DMD: variants seen among roughly 807,000 people sequenced by gnomAD.
DMD encodes the protein mutant dystrophin.
Under a neutral mutation model 330.1 loss-of-function variants are expected in DMD, and 63 were observed. The observed-to-expected ratio is 0.19, with a 90% CI of 0.16 to 0.24. The LOEUF is 0.24. DMD is among the 10% of genes least tolerant of loss of function. The pLI is 1.00. For synonymous variants in DMD, 1,223 were observed against 959.8 expected (o/e 1.27, Z -5.07); for missense variants, 3,344 against 2,684.1 (o/e 1.25, Z -5.43).
At chrX:32,783,930 A>G (rs767575848) in intron 7 of DMD, among the ~76,000 whole-genome samples, 31 of 107,325 alleles carry the variant, frequency 2.9e-4, no homozygotes, top group Non-Finnish European at 4.8e-4. Context: ...CTTAAAAGAT[A>G]GATTTATTAT....
chrX:32,408,360 C>T (rs2098127635), intron 30 of DMD, among the ~76,000 whole-genome samples: 1 of 111,755 alleles, frequency 8.9e-6, no homozygotes, highest in Admixed American at 9.5e-5. Flanking sequence ...CAGCTCTTTT[C>T]TTTCCTATAG....
chrX:32,749,250 C>G (rs771215255), intron 7 of DMD, among the ~76,000 whole-genome samples: 1 of 112,229 alleles, frequency 8.9e-6, no homozygotes, highest in Non-Finnish European at 1.9e-5. Context: ...GTCACTGACA[C>G]TTGTGAAATT....
intron 13 of DMD, among the ~76,000 whole-genome samples, chrX:32,582,644 C>T (rs808563): frequency 0.22 from 24,390 of 110,294 alleles, 2,242 homozygotes; most frequent in East Asian, 0.61. Flanking sequence ...ATATGGAGAT[C>T]GAAATGGCCA....
At chrX:32,483,546 G>C (rs2042125175) in intron 21 of DMD, among the ~76,000 whole-genome samples, 1 of 109,283 alleles carries the variant, frequency 9.2e-6, no homozygotes, top group Non-Finnish European at 1.9e-5. Context: ...TAAATTTCCA[G>C]TGAAATGGCT....
chrX:32,342,736 C>G, intron 40 of DMD: 1 of 283,054 alleles, frequency 3.5e-6, no homozygotes. Context: ...CATATTTAGA[C>G]AATATGCAAA....
chrX:32,992,797 T>G (rs927360391), intron 2 of DMD, among the ~76,000 whole-genome samples: 1 of 106,663 alleles, frequency 9.4e-6, no homozygotes, highest in African/African-American at 3.4e-5. Flanking sequence ...TCCCAACTAC[T>G]TGGGAGGCTG....
intron 2 of DMD, among the ~76,000 whole-genome samples, chrX:33,006,978 C>A (rs1351105584): frequency 1.8e-5 from 2 of 110,493 alleles, no homozygotes; most frequent in Non-Finnish European, 3.8e-5. Context: ...CATCTACTTT[C>A]AAAATGTATC....
intron 1 of DMD, among the ~76,000 whole-genome samples, chrX:33,040,333 G>A (rs1204169352): frequency 9.0e-6 from 1 of 110,694 alleles, no homozygotes; most frequent in African/African-American, 3.3e-5. Context: ...CATGGGACCC[G>A]CCTGTTCAGA....
At chrX:31,519,567 C>T (rs1465083014) in intron 55 of DMD, among the ~76,000 whole-genome samples, 1 of 111,444 alleles carries the variant, frequency 9.0e-6, no homozygotes, top group Non-Finnish European at 1.9e-5. Flanking sequence ...CACGCAACCA[C>T]AAAACAACCC....
At chrX:32,264,774 G>A (rs992069352) in intron 43 of DMD, among the ~76,000 whole-genome samples, 3 of 111,752 alleles carry the variant, frequency 2.7e-5, no homozygotes, top group African/African-American at 9.8e-5. Flanking sequence ...AGAGATCTGT[G>A]GAATTTTGAA....
At chrX:32,809,880 A>C (rs1218828362) in intron 6 of DMD, among the ~76,000 whole-genome samples, 1 of 99,993 alleles carries the variant, frequency 1.0e-5, no homozygotes, top group East Asian at 3.2e-4. Context: ...CCAGAAGTTC[A>C]AGACCAGCCT....
chrX:31,241,175 T>TC (rs1187326948), intron 63 of DMD, among the ~76,000 whole-genome samples: 2 of 111,687 alleles, frequency 1.8e-5, no homozygotes, highest in African/African-American at 6.5e-5. Context: ...TTTCTTCGGT[T>TC]CCCCTTTTCA....
Position 31,496,802 on chromosome X carries a change from T to C in DMD, c.8533A>G (p.Asn2845Asp). 1 of 1,212,260 alleles carries C rather than the reference T, an allele frequency of 8.2e-7. No individual in the cohort carries two copies. Among genetic ancestry groups the C allele is most frequent in the Non-Finnish European group, 1.1e-6 (1 of 895,639 alleles). ...AAATGTCCTACCCTATGTACATCGTTCTGCTTCTGAACTGCTGGAAAGTCG... is the reference window on the plus strand; with the variant it reads ...AAATGTCCTACCCTATGTACATCGTCCTGCTTCTGAACTGCTGGAAAGTCG... ...GGDFPAVQKQ[N>D]DVHRAFKREL... Residue 2845 changes from asparagine (N) to aspartate (D), a missense_variant, in exon 57 of 79, where the codon AAC (asparagine) becomes GAC (aspartate). Physicochemically the swap from Asn to Asp is conservative, Grantham distance 23. Coordinates refer to ENST00000357033, the MANE Select transcript of DMD (RefSeq NM_004006.3).
chrX:32,605,777 A>T (rs1437125688), intron 12 of DMD, among the ~76,000 whole-genome samples: 2 of 104,318 alleles, frequency 1.9e-5, no homozygotes, highest in Non-Finnish European at 4.1e-5. Flanking sequence ...CAAGTGGCCA[A>T]CAAACATATG....
intron 1 of DMD, among the ~76,000 whole-genome samples, chrX:33,292,631 C>A (rs2053529182): frequency 9.1e-6 from 1 of 109,317 alleles, no homozygotes; most frequent in African/African-American, 3.3e-5. Context: ...AGACAGTGGA[C>A]CACATTGTAT....
chrX:32,821,058 G>C (rs1037348474), intron 5 of DMD, among the ~76,000 whole-genome samples: 9 of 110,866 alleles, frequency 8.1e-5, no homozygotes, highest in African/African-American at 2.6e-4. Flanking sequence ...CGGCCAACTT[G>C]GGCTCACTTA....
chrX:32,438,212 T>C lies in DMD; in HGVS notation c.4071+29A>G, dbSNP rs376609047. On this transcript the variant is annotated intron_variant, in intron 29 of 78. Coordinates refer to ENST00000357033, the MANE Select transcript of DMD (RefSeq NM_004006.3). Reference sequence around the variant, plus strand: ...CTGCTATACATTAATGCAAATTAGATTAAAGAGATTTTTCACTTATCTTCA... The same window carrying C: ...CTGCTATACATTAATGCAAATTAGACTAAAGAGATTTTTCACTTATCTTCA... 4.4e-4 allele frequency: 533 copies of C among 1,202,540 alleles called. 4 individuals are homozygous for C. In the South Asian group the frequency reaches 8.9e-3, roughly 20 times the overall value.
intron 2 of DMD, among the ~76,000 whole-genome samples, chrX:33,010,234 A>ACATGTGTATATG (rs1569549291): frequency 4.1e-5 from 4 of 96,781 alleles, no homozygotes; most frequent in African/African-American, 1.5e-4. Context: ...GTGTGTATAT[A>ACATGTGTATATG]TGTACATATG....
chrX:32,422,570 C>T (rs992656208), intron 29 of DMD, among the ~76,000 whole-genome samples: 10 of 111,546 alleles, frequency 9.0e-5, no homozygotes, highest in Non-Finnish European at 1.3e-4. Context: ...TCAGAATATA[C>T]GAAACATAGT....
Sources: allele counts gnomAD v4.1 joint callset (sites outside exome capture counted in the v4.1 genomes callset), GRCh38; gene constraint gnomAD v4.1.1; transcripts MANE v1.5; gene names NCBI Gene and HGNC (gene_info 2026-07-23, HGNC 2026-07-21).